GULP1: variants seen among roughly 807,000 people sequenced by gnomAD.
GULP1 encodes the protein GULP PTB domain containing engulfment adaptor 1.
A neutral mutation model predicts 40.9 loss-of-function variants in GULP1; 19 were observed. The ratio of observed to expected loss-of-function variants is 0.46; its 90% CI spans 0.32 to 0.68. The LOEUF (loss-of-function observed/expected upper bound fraction) is 0.68, where lower values mean the gene tolerates loss of function less well. Among genes scored for constraint, GULP1 ranks in the 30% least tolerant of loss-of-function variants. The pLI is 0.03. For missense variants in GULP1, 312 were observed against 362.2 expected, an observed-to-expected ratio of 0.86 and a Z score of 1.12; for synonymous variants, 119 against 117.6, an observed-to-expected ratio of 1.01 and a Z score of -0.08.
intron 5 of GULP1, among the ~76,000 whole-genome samples, chr2:188,523,592 T>C (rs1685401722): frequency 1.3e-5 from 2 of 152,232 alleles, no homozygotes; most frequent in Middle Eastern, 3.4e-3. Flanking sequence ...TTATTCTCTA[T>C]AGTTGCTCTC....
At chr2:188,573,967 CA>C (rs1287790295) in intron 9 of GULP1, among the ~76,000 whole-genome samples, 1 of 152,084 alleles carries the variant, frequency 6.6e-6, no homozygotes, top group Non-Finnish European at 1.5e-5. Context: ...ACACTTTTGT[CA>C]AAAATCTCTA....
intron 1 of GULP1, among the ~76,000 whole-genome samples, chr2:188,340,980 G>A (rs531321383): frequency 5.6e-4 from 86 of 152,224 alleles, no homozygotes; most frequent in African/African-American, 2.0e-3. Flanking sequence ...TCTGCTCTCT[G>A]CCAGTGGAGC....
intron 3 of GULP1, among the ~76,000 whole-genome samples, chr2:188,482,020 A>T (rs985850284): frequency 3.3e-5 from 5 of 149,422 alleles, no homozygotes; most frequent in Admixed American, 2.7e-4. Context: ...ATTAAATGTC[A>T]ACGTCAATAT....
intron 9 of GULP1, among the ~76,000 whole-genome samples, chr2:188,572,213 A>C (rs966979472): frequency 6.6e-6 from 1 of 152,228 alleles, no homozygotes; most frequent in African/African-American, 2.4e-5. Context: ...AGTGGAAAGC[A>C]TGCAAGTTGG....
chr2:188,443,243 A>G (rs767488182), intron 2 of GULP1, among the ~76,000 whole-genome samples: 1 of 152,140 alleles, frequency 6.6e-6, no homozygotes, highest in African/African-American at 2.4e-5. Context: ...TTGCTAGAAC[A>G]GTGGTTAGCC....
chr2:188,365,377 G>A (rs2046651540), intron 1 of GULP1, among the ~76,000 whole-genome samples: 1 of 152,130 alleles, frequency 6.6e-6, no homozygotes, highest in South Asian at 2.1e-4. Context: ...GATAGACTAG[G>A]GACTTCACAG....
At chr2:188,384,981 C>G (rs189785510) in intron 2 of GULP1, among the ~76,000 whole-genome samples, 3 of 152,266 alleles carry the variant, frequency 2.0e-5, no homozygotes, top group African/African-American at 7.2e-5. Context: ...GTGTCTGAGT[C>G]TTTTCCAGGT....
chr2:188,457,874 A>G (rs1245347534), intron 2 of GULP1, among the ~76,000 whole-genome samples: 1 of 152,140 alleles, frequency 6.6e-6, no homozygotes, highest in Admixed American at 6.5e-5. Context: ...TACTTATCTT[A>G]CATTTGGATT....
intron 1 of GULP1, among the ~76,000 whole-genome samples, chr2:188,351,592 A>G (rs947822952): frequency 2.6e-5 from 4 of 152,208 alleles, no homozygotes; most frequent in Non-Finnish European, 5.9e-5. Flanking sequence ...TCTAGAGGTT[A>G]TAGCCAAGGA....
At chr2:188,325,547 C>G (rs2040634198) in intron 1 of GULP1, among the ~76,000 whole-genome samples, 1 of 151,948 alleles carries the variant, frequency 6.6e-6, no homozygotes. Context: ...GGTGAATTTA[C>G]TTTTTCATTA....
chr2:188,405,157 A>C (rs1252091666), intron 2 of GULP1, among the ~76,000 whole-genome samples: 1 of 152,094 alleles, frequency 6.6e-6, no homozygotes, highest in Non-Finnish European at 1.5e-5. Context: ...CCCCAGAATT[A>C]AGGCCAGTGC....
intron 11 of GULP1, chr2:188,588,726 A>T (rs1165495511): frequency 6.6e-6 from 1 of 152,120 alleles, no homozygotes; most frequent in East Asian, 1.9e-4. Context: ...ACACTAAAGT[A>T]AGGAGAAGGA....
At chr2:188,446,328 T>G (rs560961242) in intron 2 of GULP1, among the ~76,000 whole-genome samples, 2 of 152,256 alleles carry the variant, frequency 1.3e-5, no homozygotes, top group East Asian at 3.9e-4. Context: ...TTCTGGGATA[T>G]TTACCAACCC....
chr2:188,319,399 A>G (rs1158140810), intron 1 of GULP1, among the ~76,000 whole-genome samples: 1 of 152,156 alleles, frequency 6.6e-6, no homozygotes. Flanking sequence ...TCAGACTTGT[A>G]CATCTTGATG....
intron 2 of GULP1, among the ~76,000 whole-genome samples, chr2:188,420,944 TTGTC>T (rs1237547466): frequency 6.6e-6 from 1 of 152,136 alleles, no homozygotes; most frequent in Admixed American, 6.5e-5. Flanking sequence ...GTCTGGGAAT[TTGTC>T]TGTCTCCTGT....
In GULP1 at chr2:188,472,701, A is replaced by T. The variant is rs544639432; in HGVS notation, c.-44-4958A>T. Reference sequence around the variant, plus strand: ...AATTCTGAATGCCTTCTCTATCTTGAATTTCTTTGAGTTTCTTCAACAAAG... The same window carrying T: ...AATTCTGAATGCCTTCTCTATCTTGTATTTCTTTGAGTTTCTTCAACAAAG... On this transcript the variant is annotated intron_variant, in intron 2 of 11. Coordinates refer to ENST00000409830, the MANE Select transcript of GULP1 (RefSeq NM_016315.4). Among the ~76,000 whole-genome samples the T allele has an allele frequency of 3.5e-3, 539 of 152,222 alleles. 5 individuals are homozygous for T. The highest frequency in any genetic ancestry group is 0.019 in the South Asian group (90 of 4,828).
chr2:188,439,787 TC>T (rs1027022061), intron 2 of GULP1, among the ~76,000 whole-genome samples: 1 of 151,998 alleles, frequency 6.6e-6, no homozygotes, highest in Admixed American at 6.6e-5. Flanking sequence ...ATGCTTTTCA[TC>T]ATGAAAAAAA....
chr2:188,414,216 C>CA (rs774779119), intron 2 of GULP1, among the ~76,000 whole-genome samples: 3,631 of 43,530 alleles, frequency 0.083, 93 homozygotes, highest in Non-Finnish European at 0.12. Context: ...GACTCCATCT[C>CA]AAAAAAAAAA....
chr2:188,512,146 C>T (rs957297457), intron 4 of GULP1, among the ~76,000 whole-genome samples: 3 of 152,088 alleles, frequency 2.0e-5, no homozygotes, highest in South Asian at 2.1e-4. Flanking sequence ...AGTTGAGTAG[C>T]TAACAGGCTT....
Sources: allele counts gnomAD v4.1 joint callset (sites outside exome capture counted in the v4.1 genomes callset), GRCh38; gene constraint gnomAD v4.1.1; transcripts MANE v1.5; gene names NCBI Gene and HGNC (gene_info 2026-07-23, HGNC 2026-07-21).